Variants in SORCS3 observed in about 807,000 individuals in gnomAD.
SORCS3 encodes the protein VPS10 domain-containing receptor SorCS3.
SORCS3 carries 57 observed loss-of-function variants against 146.3 expected under a neutral mutation model. The observed-to-expected ratio is 0.39, with a 90% CI of 0.31 to 0.49. The LOEUF is 0.49. SORCS3 is among the 20% of genes least tolerant of loss of function. The probability of loss-of-function intolerance (pLI) is 0.92; values close to 1 mark genes in which losing one functional copy is unlikely to be tolerated. For missense variants in SORCS3, 1,341 were observed against 1,575.5 expected, an observed-to-expected ratio of 0.85 and a Z score of 2.52; for synonymous variants, 653 against 618.5, an observed-to-expected ratio of 1.06 and a Z score of -0.83.
At chr10:104,992,658 CA>C (rs2055001651) in intron 4 of SORCS3, among the ~76,000 whole-genome samples, 1 of 152,160 alleles carries the variant, frequency 6.6e-6, no homozygotes, top group Non-Finnish European at 1.5e-5. Flanking sequence ...ACTCATGCAA[CA>C]GGAAATGTGT....
chr10:105,222,943 T>C (rs1363339570), intron 19 of SORCS3, among the ~76,000 whole-genome samples, 173 bp from the exon 20 acceptor site: 2 of 152,264 alleles, frequency 1.3e-5, no homozygotes, highest in Non-Finnish European at 2.9e-5. Context: ...TTCCCTGTTA[T>C]ATTCAGTACT....
intron 1 of SORCS3, among the ~76,000 whole-genome samples, chr10:104,810,960 A>C (rs1029202832): frequency 6.6e-6 from 1 of 152,230 alleles, no homozygotes; most frequent in African/African-American, 2.4e-5. Context: ...AAACTCATAG[A>C]GATGTATACC....
At chr10:105,103,033 C>A (rs538509313) in intron 6 of SORCS3, among the ~76,000 whole-genome samples, 1 of 151,922 alleles carries the variant, frequency 6.6e-6, no homozygotes, top group Non-Finnish European at 1.5e-5. Context: ...CGTGATCCAC[C>A]CACCTCGGCC....
chr10:104,912,750 C>A (rs1250796797), intron 2 of SORCS3, among the ~76,000 whole-genome samples: 2 of 152,182 alleles, frequency 1.3e-5, no homozygotes, highest in East Asian at 3.8e-4. Context: ...TGGTTCTAGT[C>A]TTCAAGGAGT....
At chr10:105,165,742 C>G (rs527901298) in intron 12 of SORCS3, among the ~76,000 whole-genome samples, 1 of 152,242 alleles carries the variant, frequency 6.6e-6, no homozygotes, top group African/African-American at 2.4e-5. Flanking sequence ...ATAGGCAAAC[C>G]ATTTCTGGAG....
At chr10:104,796,927 C>T (rs1387386509) in intron 1 of SORCS3, among the ~76,000 whole-genome samples, 4 of 152,204 alleles carry the variant, frequency 2.6e-5, no homozygotes, top group South Asian at 2.1e-4. Context: ...GATAGGAAAG[C>T]GGCATGTAAA....
intron 2 of SORCS3, among the ~76,000 whole-genome samples, chr10:104,906,820 A>T (rs533193598): frequency 6.6e-6 from 1 of 152,272 alleles, no homozygotes; most frequent in East Asian, 1.9e-4. Context: ...TAACTACATG[A>T]GTCATACTTG....
At chr10:104,940,238 A>ATATATATATATATATATATATATTTT (rs1435205868) in intron 3 of SORCS3, among the ~76,000 whole-genome samples, 2 of 31,496 alleles carry the variant, frequency 6.4e-5, no homozygotes, top group Non-Finnish European at 1.2e-4. Context: ...ATATATATAT[A>ATATATATATATATATATATATATTTT]TTTTTTTTTT....
chr10:105,182,096 G>A (rs1320317999), intron 14 of SORCS3, among the ~76,000 whole-genome samples: 1 of 152,048 alleles, frequency 6.6e-6, no homozygotes, highest in African/African-American at 2.4e-5. Flanking sequence ...TCTTAGAAGG[G>A]AGAAGTACAG....
intron 1 of SORCS3, among the ~76,000 whole-genome samples, chr10:104,654,539 A>T (rs1431743848): frequency 6.6e-6 from 1 of 152,152 alleles, no homozygotes; most frequent in Non-Finnish European, 1.5e-5. Context: ...TTTGATGTGC[A>T]TTTCTCTGAT....
intron 10 of SORCS3, 62 bp downstream of exon 10, chr10:105,157,346 C>T (rs1036497123): frequency 6.3e-6 from 10 of 1,591,718 alleles, no homozygotes; most frequent in East Asian, 4.5e-5. Flanking sequence ...GAAGCTGTGT[C>T]GAGGGCTTTG....
intron 1 of SORCS3, among the ~76,000 whole-genome samples, chr10:104,820,057 G>A (rs1278632134): frequency 1.3e-5 from 2 of 152,164 alleles, no homozygotes; most frequent in African/African-American, 4.8e-5. Flanking sequence ...TCTAGTGGAG[G>A]TTCTCATATG....
chr10:105,244,025 A>T (rs983806734), intron 20 of SORCS3, among the ~76,000 whole-genome samples: 4 of 152,032 alleles, frequency 2.6e-5, no homozygotes, highest in Non-Finnish European at 5.9e-5. Flanking sequence ...GCTACTCTCC[A>T]TCCTGCTGTC....
chr10:105,084,637 A>G (rs2055646780), intron 5 of SORCS3, among the ~76,000 whole-genome samples: 1 of 152,030 alleles, frequency 6.6e-6, no homozygotes. Flanking sequence ...GAGGAAGTGC[A>G]GTTCTTGAAT....
At chr10:105,091,890 C>G (rs562688914) in intron 6 of SORCS3, among the ~76,000 whole-genome samples, 1 of 152,236 alleles carries the variant, frequency 6.6e-6, no homozygotes, top group Admixed American at 6.5e-5. Context: ...TTCAGGACAA[C>G]TCTCGCATGG....
chr10:105,013,881 G>A (rs528713899), intron 4 of SORCS3, among the ~76,000 whole-genome samples: 5 of 151,900 alleles, frequency 3.3e-5, no homozygotes, highest in African/African-American at 1.2e-4. Flanking sequence ...CACCTGAAGA[G>A]GAATAAAGGG....
intron 2 of SORCS3, among the ~76,000 whole-genome samples, chr10:104,852,272 G>T (rs2018281539): frequency 6.6e-6 from 1 of 152,116 alleles, no homozygotes; most frequent in Non-Finnish European, 1.5e-5. Context: ...TCAGATCTGG[G>T]ACCCCAATCT....
intron 1 of SORCS3, among the ~76,000 whole-genome samples, chr10:104,779,966 G>A (rs1046866895): frequency 1.3e-5 from 2 of 152,230 alleles, no homozygotes; most frequent in Non-Finnish European, 2.9e-5. Context: ...TCATTCATCC[G>A]AGGGAGGCTT....
chr10:104,988,609 A>G (rs2054975645), intron 4 of SORCS3, among the ~76,000 whole-genome samples: 1 of 152,234 alleles, frequency 6.6e-6, no homozygotes, highest in African/African-American at 2.4e-5. Flanking sequence ...TCATTTAAAT[A>G]GGTAATACTA....
Sources: gnomAD v4.1 joint callset for allele counts (sites outside exome capture counted in the v4.1 genomes callset) on GRCh38, gnomAD v4.1.1 for gene constraint, MANE v1.5 for transcripts, NCBI Gene and HGNC (gene_info 2026-07-23, HGNC 2026-07-21) for gene names.